The following BTBD7 variants were observed in gnomAD, a reference collection of about 807,000 sequenced individuals.
The protein encoded by BTBD7 is BTB/POZ domain-containing protein 7.
A neutral mutation model predicts 99.9 loss-of-function variants in BTBD7; 38 were observed. The ratio of observed to expected loss-of-function variants is 0.38; its 90% CI spans 0.29 to 0.50. The LOEUF (loss-of-function observed/expected upper bound fraction) is 0.50, where lower values mean the gene tolerates loss of function less well. Ranked by LOEUF, BTBD7 falls within the 20% of genes least tolerant of loss-of-function variation. The pLI, the probability that BTBD7 is intolerant of heterozygous loss-of-function variation, is 0.93. For missense variants in BTBD7, 1,170 were observed against 1,394.6 expected (o/e 0.84, Z 2.57); for synonymous variants, 520 against 511.4 (o/e 1.02, Z -0.23).
chr14:93,288,796 G>GT, intron 3 of BTBD7: 2 of 1,545,064 alleles, frequency 1.3e-6, no homozygotes, highest in South Asian at 1.3e-5. Context: ...ATCAGTATCT[G>GT]TAAGTGTATA....
In BTBD7 at chr14:93,245,813, G is replaced by A. The variant is rs1482290901; in HGVS notation, c.2583+12C>T. On this transcript the variant is annotated intron_variant, in intron 10 of 10. Transcript: ENST00000334746. ...ACCGAATTTGAAGCAAGTTACTGAA[G>A]TGTTGACTTACCACTTGCTTCTCAG... is the stretch of plus-strand genomic sequence containing the variant. 4 of 1,607,576 alleles carry A rather than the reference G, an allele frequency of 2.5e-6. No individual in the cohort carries two copies. Among genetic ancestry groups the A allele is most frequent in the East Asian group, 2.2e-5 (1 of 44,826 alleles).
intron 10 of BTBD7, among the ~76,000 whole-genome samples, chr14:93,245,029 C>T (rs11622193): frequency 0.38 from 58,103 of 151,338 alleles, 12,317 homozygotes; most frequent in African/African-American, 0.58. Context: ...TTAGCTAATT[C>T]ATTTGTTTAT....
Position 93,239,633 on chromosome 14 carries a change from C to A in BTBD7, c.*2640G>T, listed in dbSNP as rs1365519468. On this transcript the variant is annotated 3_prime_UTR_variant, in exon 11 of 11. Coordinates refer to ENST00000334746, the MANE Select transcript of BTBD7 (RefSeq NM_001002860.4). ...ACACCTAACCTAACGCACACAAAACCCACGCCTGTTTACCTTCTGCAAGTC... is the reference window on the plus strand; with the variant it reads ...ACACCTAACCTAACGCACACAAAACACACGCCTGTTTACCTTCTGCAAGTC... The A allele has an allele frequency of 6.6e-6, 1 of 152,406 alleles. No homozygotes were observed. Among genetic ancestry groups the A allele is most frequent in the East Asian group, 1.9e-4 (1 of 5,186 alleles). The allele number at this position is 152,406 out of a possible 1,614,324, so 9.4% of individuals were successfully genotyped here.
At chr14:93,308,982 A>G (rs1478475243) in intron 1 of BTBD7, among the ~76,000 whole-genome samples, 1 of 152,202 alleles carries the variant, frequency 6.6e-6, no homozygotes, top group Non-Finnish European at 1.5e-5. Context: ...TTAAAATGGT[A>G]AATGTTATGT....
Position 93,246,288 on chromosome 14 carries a change from TA to T in BTBD7, c.2122-3del. The T allele has an allele frequency of 1.4e-6, 2 of 1,420,864 alleles. No homozygotes were observed. The highest frequency in any genetic ancestry group is 1.7e-5 in the South Asian group (1 of 58,808). The allele number at this position is 1,420,864 out of a possible 1,614,324, so 88.0% of individuals were successfully genotyped here. On this transcript the variant is annotated splice_polypyrimidine_tract_variant and splice_region_variant and intron_variant, in intron 9 of 10. Transcript: ENST00000334746. ...ATCAGGAAAGAATTTGTGAGGATTC[TA>T]AAAAAGATTAAAAAAAAAAAAAAAG...
intron 3 of BTBD7, among the ~76,000 whole-genome samples, chr14:93,290,726 T>C (rs1230378204): frequency 6.7e-6 from 1 of 149,028 alleles, no homozygotes; most frequent in African/African-American, 2.5e-5. Context: ...AGACTCACTC[T>C]GTCGCCCAGG....
At chr14:93,273,680 C>T (rs952008483) in intron 3 of BTBD7, among the ~76,000 whole-genome samples, 9 of 152,170 alleles carry the variant, frequency 5.9e-5, no homozygotes, top group African/African-American at 2.2e-4. Context: ...GAGCAGCAGC[C>T]TCCTTCATCT....
chr14:93,284,471 T>A (rs2052755652), intron 3 of BTBD7, among the ~76,000 whole-genome samples: 1 of 151,552 alleles, frequency 6.6e-6, no homozygotes, highest in Non-Finnish European at 1.5e-5. Context: ...TTTTTTTTTT[T>A]AAAGAAAAGG....
chr14:93,249,144 G>A (rs2052344386), intron 8 of BTBD7, among the ~76,000 whole-genome samples: 1 of 151,668 alleles, frequency 6.6e-6, no homozygotes, highest in South Asian at 2.1e-4. Flanking sequence ...TGTTCCTGGA[G>A]AGAAATATGC....
At chr14:93,285,776 T>A (rs756002624) in intron 3 of BTBD7, among the ~76,000 whole-genome samples, 1 of 152,210 alleles carries the variant, frequency 6.6e-6, no homozygotes, top group Non-Finnish European at 1.5e-5. Flanking sequence ...AATCTAGTCA[T>A]CTCTTTTGGA....
intron 4 of BTBD7, 132 bp downstream of exon 4, chr14:93,263,653 C>A: frequency 1.3e-6 from 1 of 754,226 alleles, no homozygotes; most frequent in South Asian, 1.8e-5. Flanking sequence ...ATGAAGAGGG[C>A]AGTCCTGGGT....
intron 3 of BTBD7, chr14:93,288,211 TCTTATATTACTC>T: frequency 3.0e-6 from 1 of 329,398 alleles, no homozygotes; most frequent in Non-Finnish European, 5.4e-6. Context: ...TGGAAATATT[TCTTATATTACTC>T]CTTAGATACT....
chr14:93,266,152 T>C lies in BTBD7; in HGVS notation c.1163-2159A>G, dbSNP rs191808797. On this transcript the variant is annotated intron_variant, in intron 3 of 10. Coordinates refer to ENST00000334746, the MANE Select transcript of BTBD7 (RefSeq NM_001002860.4). Reference sequence around the variant, plus strand: ...ATGATGGTTGGCTTAACTGGAACTATATAAAATATCTGGGTTTTTTTTTTT... The same window carrying C: ...ATGATGGTTGGCTTAACTGGAACTACATAAAATATCTGGGTTTTTTTTTTT... Among the ~76,000 whole-genome samples, 7 of 152,106 alleles carry C rather than the reference T, an allele frequency of 4.6e-5. No homozygotes were observed. The East Asian group carries it at 5.8e-4, about 13-fold the overall frequency.
intron 1 of BTBD7, among the ~76,000 whole-genome samples, chr14:93,311,782 A>T (rs1227221724): frequency 1.3e-5 from 2 of 149,216 alleles, no homozygotes; most frequent in African/African-American, 2.5e-5. Context: ...TATCTTTAGG[A>T]TATACCCAAC....
chr14:93,302,957 G>A (rs958657603), intron 1 of BTBD7, among the ~76,000 whole-genome samples: 2 of 152,108 alleles, frequency 1.3e-5, no homozygotes, highest in Non-Finnish European at 2.9e-5. Context: ...AGGTTGCAGT[G>A]AGCTATGAGC....
intron 1 of BTBD7, among the ~76,000 whole-genome samples, chr14:93,324,476 A>C (rs1328296868): frequency 6.6e-6 from 1 of 152,166 alleles, no homozygotes; most frequent in Non-Finnish European, 1.5e-5. Flanking sequence ...ACTGTCTGAA[A>C]CATTAAGAAA....
intron 1 of BTBD7, among the ~76,000 whole-genome samples, chr14:93,327,211 T>C (rs2053343669): frequency 6.6e-6 from 1 of 152,192 alleles, no homozygotes; most frequent in African/African-American, 2.4e-5. Flanking sequence ...CATTAAAAAA[T>C]TATATAATAA....
At position 93,314,760 on chromosome 14, in the gene BTBD7, T is replaced by A. The variant is rs1054851129; in HGVS notation, c.-107+18060A>T. On this transcript the variant is annotated intron_variant, in intron 1 of 10. Transcript: ENST00000334746. ...AGAAGAGTTGCAATTTACACTCCTA[T>A]CAGCTCTGCATGAGAATGTCCAAAA... Among the ~76,000 whole-genome samples the A allele has an allele frequency of 1.3e-4, 20 of 152,194 alleles. 1 individual carries two copies. Among genetic ancestry groups the A allele is most frequent in the Non-Finnish European group, 1.5e-5 (1 of 68,026 alleles).
intron 10 of BTBD7, chr14:93,243,919 C>A (rs574984998): frequency 6.2e-6 from 1 of 161,692 alleles, no homozygotes; most frequent in African/African-American, 2.4e-5. Context: ...GACCAACCTT[C>A]GCCATTCTGG....
Sources: gnomAD v4.1 joint callset for allele counts (sites outside exome capture counted in the v4.1 genomes callset) on GRCh38, gnomAD v4.1.1 for gene constraint, MANE v1.5 for transcripts, NCBI Gene and HGNC (gene_info 2026-07-23, HGNC 2026-07-21) for gene names.